The following ZNF736 variants were observed in gnomAD, a reference collection of about 807,000 sequenced individuals.
ZNF736 encodes the protein KRAB-containing zinc-finger repressor protein.
A neutral mutation model predicts 11.7 loss-of-function variants in ZNF736; 6 were observed. The ratio of observed to expected loss-of-function variants is 0.51; its 90% CI spans 0.28 to 1.01. The LOEUF (loss-of-function observed/expected upper bound fraction) is 1.01. Among genes scored for constraint, ZNF736 ranks in the 50% least tolerant of loss-of-function variants. ZNF736 has a pLI of 0.09. For missense variants in ZNF736, 444 were observed against 496.0 expected (o/e 0.90, Z 1.00); for synonymous variants, 139 against 164.7 (o/e 0.84, Z 1.19).
At chr7:64,335,439 C>T (rs1450399070) in intron 1 of ZNF736, among the ~76,000 whole-genome samples, 1 of 152,136 alleles carries the variant, frequency 6.6e-6, no homozygotes, top group East Asian at 1.9e-4. Context: ...AATAATAGCA[C>T]AGTAGTCTTG....
chr7:64,325,007 A>G (rs1202322090), intron 1 of ZNF736, among the ~76,000 whole-genome samples: 3 of 152,194 alleles, frequency 2.0e-5, no homozygotes, highest in Non-Finnish European at 4.4e-5. Context: ...TTCTTTTGTC[A>G]GGTGTTGTCA....
chr7:64,337,203 TTGTG>T (rs11282384), intron 3 of ZNF736: 1 of 524,800 alleles, frequency 1.9e-6, no homozygotes, highest in African/African-American at 2.0e-5. Context: ...TGTGTGTGTG[TTGTG>T]TGTGTGTTTT....
intron 1 of ZNF736, among the ~76,000 whole-genome samples, chr7:64,319,331 G>GTATATATATATA (rs1303895518): frequency 9.3e-5 from 7 of 75,510 alleles, no homozygotes; most frequent in Non-Finnish European, 1.6e-4. Flanking sequence ...GTGTGTGTAT[G>GTATATATATATA]TGTATATATA....
At chr7:64,328,483 G>A (rs1229484392) in intron 1 of ZNF736, among the ~76,000 whole-genome samples, 2 of 152,056 alleles carry the variant, frequency 1.3e-5, no homozygotes, top group East Asian at 1.9e-4. Context: ...GTAGTCGGCC[G>A]GGCGCGGTGG....
chr7:64,346,102 G>C (rs1405316175), intron 3 of ZNF736, among the ~76,000 whole-genome samples: 1 of 152,074 alleles, frequency 6.6e-6, no homozygotes, highest in Non-Finnish European at 1.5e-5. Context: ...TTTTGCTTCA[G>C]TTCCGTCAAT....
At chr7:64,321,635 A>G (rs1253453327) in intron 1 of ZNF736, among the ~76,000 whole-genome samples, 1 of 152,180 alleles carries the variant, frequency 6.6e-6, no homozygotes, top group Non-Finnish European at 1.5e-5. Context: ...ACCTCATGAA[A>G]TAGTAGGGAG....
At chr7:64,332,479 G>A (rs1284199220) in intron 1 of ZNF736, among the ~76,000 whole-genome samples, 1 of 152,178 alleles carries the variant, frequency 6.6e-6, no homozygotes, top group Admixed American at 6.5e-5. Flanking sequence ...ATGCTTCTGA[G>A]GGAACAGGAC....
At chr7:64,333,992 C>G (rs764488816) in intron 1 of ZNF736, among the ~76,000 whole-genome samples, 15 of 152,092 alleles carry the variant, frequency 9.9e-5, no homozygotes, top group Non-Finnish European at 2.1e-4. Flanking sequence ...TAACACCACA[C>G]ATATACAACC....
At chr7:64,314,249 G>T (rs1464710507) in intron 1 of ZNF736, 96 bp downstream of exon 1, 5 of 1,472,558 alleles carry the variant, frequency 3.4e-6, no homozygotes, top group Non-Finnish European at 4.6e-6. Context: ...CTCGCGGTCT[G>T]CTCTGGAGTC....
At chr7:64,317,896 A>G (rs1344305571) in intron 1 of ZNF736, among the ~76,000 whole-genome samples, 1 of 152,016 alleles carries the variant, frequency 6.6e-6, no homozygotes, top group Non-Finnish European at 1.5e-5. Context: ...TCTTTAAGAA[A>G]AACCACATTC....
intron 1 of ZNF736, among the ~76,000 whole-genome samples, chr7:64,333,688 A>C (rs1446840962): frequency 1.3e-5 from 2 of 152,196 alleles, no homozygotes; most frequent in Non-Finnish European, 1.5e-5. Flanking sequence ...ATGGATAGGA[A>C]GAATCAATAT....
At chr7:64,319,513 T>TTTTTA (rs1788973555) in intron 1 of ZNF736, among the ~76,000 whole-genome samples, 1 of 120,480 alleles carries the variant, frequency 8.3e-6, no homozygotes, top group Non-Finnish European at 1.7e-5. Context: ...TTTTTTTTTT[T>TTTTTA]GAGACAGAGT....
Position 64,349,184 on chromosome 7 carries a change from G to A in ZNF736, c.*37G>A. 7.0e-7 allele frequency: 1 copy of A among 1,431,916 alleles called. No homozygotes were observed. Among genetic ancestry groups the A allele is most frequent in the Non-Finnish European group, 9.2e-7 (1 of 1,081,900 alleles). The allele number at this position is 1,431,916 out of a possible 1,614,324, so 88.7% of individuals were successfully genotyped here. A position where few individuals can be genotyped will look rare whatever the true frequency, so the allele number is the denominator to read the frequency against. ...AGCCTTTACCAAGTCCTCATACTGTGTTCAACATCTGAAATTTAATACTGA... is the reference window on the plus strand; with the variant it reads ...AGCCTTTACCAAGTCCTCATACTGTATTCAACATCTGAAATTTAATACTGA... On this transcript the variant is annotated 3_prime_UTR_variant, in exon 4 of 4. Transcript: ENST00000423484.
intron 1 of ZNF736, among the ~76,000 whole-genome samples, chr7:64,330,439 G>C (rs1789148596): frequency 6.6e-6 from 1 of 152,040 alleles, no homozygotes; most frequent in South Asian, 2.1e-4. Context: ...TTACAGGCCT[G>C]AGCCACCGTG....
intron 3 of ZNF736, among the ~76,000 whole-genome samples, chr7:64,338,205 T>A (rs1789287180): frequency 1.3e-5 from 2 of 152,192 alleles, no homozygotes; most frequent in Admixed American, 1.3e-4. Flanking sequence ...ACACATATAA[T>A]CCCAGTAAGG....
Position 64,342,994 on chromosome 7 carries a change from T to TTA in ZNF736, c.227-5096_227-5095insTA, listed in dbSNP as rs1789358771. On this transcript the variant is annotated intron_variant, in intron 3 of 3. Coordinates refer to ENST00000423484, the MANE Select transcript of ZNF736 (RefSeq NM_001170905.3). ...TTGTGCAAAAATAGCAGCTATACAT[T>TTA]AATGACATAATAAGTATGTCTAGTA... Among the ~76,000 whole-genome samples, 3 of 152,208 alleles carry TTA rather than the reference T, an allele frequency of 2.0e-5. No individual in the cohort carries two copies. The South Asian group carries it at 6.2e-4, about 31-fold the overall frequency.
At chr7:64,346,601 C>T (rs1789413285) in intron 3 of ZNF736, among the ~76,000 whole-genome samples, 3 of 152,000 alleles carry the variant, frequency 2.0e-5, no homozygotes, top group South Asian at 2.1e-4. Context: ...CTTTCTTCTT[C>T]CTGAATTCCA....
Position 64,331,919 on chromosome 7 carries a change from G to C in ZNF736, c.4-4340G>C, listed in dbSNP as rs1278158151. 2.6e-5 allele frequency among the ~76,000 whole-genome samples: 4 copies of C among 152,084 alleles called. No individual in the cohort carries two copies. The East Asian group carries it at 7.7e-4, about 29-fold the overall frequency. ...TTGGTTTTTATGTAGGATTTTACTGGTTCTGAACCTCTCTTGTGATAAAGA... is the reference window on the plus strand; with the variant it reads ...TTGGTTTTTATGTAGGATTTTACTGCTTCTGAACCTCTCTTGTGATAAAGA... On this transcript the variant is annotated intron_variant, in intron 1 of 3. Coordinates refer to ENST00000423484, the MANE Select transcript of ZNF736 (RefSeq NM_001170905.3).
chr7:64,346,577 T>G (rs1345325312), intron 3 of ZNF736, among the ~76,000 whole-genome samples: 2 of 152,140 alleles, frequency 1.3e-5, no homozygotes, highest in Non-Finnish European at 2.9e-5. Context: ...AGCATGCATA[T>G]AAATAACACG....
Sources: gnomAD v4.1 joint callset for allele counts (sites outside exome capture counted in the v4.1 genomes callset) on GRCh38, gnomAD v4.1.1 for gene constraint, MANE v1.5 for transcripts, NCBI Gene and HGNC (gene_info 2026-07-23, HGNC 2026-07-21) for gene names.